Variants in DCTN1 observed in about 807,000 individuals in gnomAD.
The protein encoded by DCTN1 is dynactin subunit 1.
In DCTN1, 61 loss-of-function variants were observed where a neutral mutation model predicts 161.2. The observed-to-expected ratio is 0.38, with a 90% confidence interval of 0.31 to 0.47. The LOEUF (loss-of-function observed/expected upper bound fraction) is 0.47. Among genes scored for constraint, DCTN1 ranks in the 20% least tolerant of loss-of-function variants. DCTN1 has a pLI of 0.99. For synonymous variants in DCTN1, 653 were observed against 632.4 expected (o/e 1.03, Z -0.49); for missense variants, 1,404 against 1,623.7 (o/e 0.86, Z 2.33).
chr2:74,369,072 C>T lies in DCTN1; in HGVS notation c.1701+26G>A. 6.2e-7 allele frequency: 1 copy of T among 1,609,980 alleles called. No individual in the cohort carries two copies. The highest frequency in any genetic ancestry group is 1.7e-5 in the Admixed American group (1 of 60,030). The stretch of plus-strand genomic sequence containing the variant: ...ATACCAGTTCATCCCAGGCAGGGCT[C>T]CCTCAGACCCACACACTTTCCTGAC... On this transcript the variant is annotated intron_variant, in intron 15 of 31. Coordinates refer to ENST00000628224, the MANE Select transcript of DCTN1 (RefSeq NM_004082.5). The surrounding 1 kb of genome is among the most constrained non-coding windows in gnomAD (Gnocchi z 4.9).
At chr2:74,368,201 T>G in intron 16 of DCTN1, 70 bp from the exon 17 acceptor site, 2 of 1,540,538 alleles carry the variant, frequency 1.3e-6, no homozygotes, top group Non-Finnish European at 1.8e-6. Flanking sequence ...AGGAATATAG[T>G]ACTCAGAGCT....
Position 74,369,572 on chromosome 2 carries a change from T to C in DCTN1, c.1393-81A>G. On this transcript the variant is annotated intron_variant, in intron 13 of 31. Transcript: ENST00000628224. This position sits in a 1 kb window ranked among gnomAD's most constrained non-coding sequence, Gnocchi z 4.9. ...TGGTTCACACCTGTAATCCCAGCAC[T>C]TTGGGAGGTCAAAGCAGGCGGATCA... 7.0e-7 allele frequency: 1 copy of C among 1,430,662 alleles called. No individual in the cohort carries two copies. The highest frequency in any genetic ancestry group is 1.1e-5 in the South Asian group (1 of 87,378). The allele number at this position is 1,430,662 out of a possible 1,614,324, so 88.6% of individuals were successfully genotyped here. A position where few individuals can be genotyped will look rare whatever the true frequency, so the allele number is the denominator to read the frequency against.
intron 16 of DCTN1, 132 bp downstream of exon 16, chr2:74,368,596 T>A (rs1274262928): frequency 1.6e-6 from 2 of 1,218,172 alleles, no homozygotes; most frequent in Non-Finnish European, 2.4e-6. Flanking sequence ...ATCGGTGACT[T>A]TGCTGTGTTC....
rs1302479413 is a variant in DCTN1, at chr2:74,361,425, T to A, written c.*74A>T. The A allele has an allele frequency of 1.2e-6, 2 of 1,606,908 alleles. No homozygotes were observed. The highest frequency in any genetic ancestry group is 1.3e-5 in the African/African-American group (1 of 74,762). On this transcript the variant is annotated 3_prime_UTR_variant, in exon 32 of 32. Transcript: ENST00000628224. The stretch of plus-strand genomic sequence containing the variant: ...CCCACGTTTCTACCTGGGGGCTGGC[T>A]GAGGTGGCTGTGCATCGGGCAGAGC...
chr2:74,371,162 T>C lies in DCTN1; in HGVS notation c.660A>G (p.Leu220=). The change falls in exon 9 of 32, where the codon CTA becomes CTG. Residue 220 remains leucine, a synonymous_variant. Coordinates refer to ENST00000628224, the MANE Select transcript of DCTN1 (RefSeq NM_004082.5). ...CCTCCAGGTCCCGCACCTGAGCCCT[T>C]AGTCCCTCCTCCTCCTGCAAAGGAG... is the stretch of plus-strand genomic sequence containing the variant. The part of the protein sequence containing the change: ...LPSPSKEEEG[L]RAQVRDLEEK... The C allele has an allele frequency of 3.7e-6, 6 of 1,613,778 alleles. No homozygotes were observed. The highest frequency in any genetic ancestry group is 2.2e-5 in the East Asian group (1 of 44,884).
Position 74,378,122 on chromosome 2 carries a change from C to A in DCTN1, c.157G>T (p.Ala53Ser). ...ATCACGCCTACCCATTTGCCAGTGG[C>A]AAACAGTGTGGCTCCAACATAGGCC... ...TVAYVGATLF[A>S]TGKWVGVILD... Residue 53 changes from alanine to serine, a missense_variant, in exon 2 of 32, where the codon GCC becomes TCC. By Grantham distance (99) the Ala-to-Ser change is moderately conservative. Coordinates refer to ENST00000628224, the MANE Select transcript of DCTN1 (RefSeq NM_004082.5). 11 of 1,614,288 alleles carry A rather than the reference C, an allele frequency of 6.8e-6. No homozygotes were observed. Among genetic ancestry groups the A allele is most frequent in the Non-Finnish European group, 9.3e-6 (11 of 1,180,058 alleles).
rs758610494 is a variant in DCTN1, at chr2:74,365,613, C to T, written c.2931G>A (p.Glu977=). Residue 977 remains glutamate (E), a synonymous_variant, in exon 25 of 32, where the codon GAG becomes GAA. Coordinates refer to ENST00000628224, the MANE Select transcript of DCTN1 (RefSeq NM_004082.5). The part of the protein sequence containing the change: ...SEANVRLSLL[E]KKLDSAAKDA... Reference sequence around the variant, plus strand: ...CCTTGGCAGCACTGTCCAACTTCTTCTCCAGGAGGCTCAGCCGCACATTGG... The same window carrying T: ...CCTTGGCAGCACTGTCCAACTTCTTTTCCAGGAGGCTCAGCCGCACATTGG... The T allele has an allele frequency of 1.9e-6, 3 of 1,614,198 alleles. No individual in the cohort carries two copies. Among genetic ancestry groups the T allele is most frequent in the Non-Finnish European group, 2.5e-6 (3 of 1,180,034 alleles).
chr2:74,364,103 A>G (rs959264307), intron 26 of DCTN1: 82 of 196,652 alleles, frequency 4.2e-4, no homozygotes, highest in African/African-American at 1.8e-3. Context: ...TTTTGGTGGG[A>G]AGTTTCATAA....
intron 23 of DCTN1, 102 bp downstream of exon 23, chr2:74,366,142 G>A: frequency 6.2e-7 from 1 of 1,610,374 alleles, no homozygotes; most frequent in Non-Finnish European, 8.5e-7. Context: ...GTGCTCTCCA[G>A]ATGCCTTCCT....
chr2:74,370,886 C>A lies in DCTN1; in HGVS notation c.844-61G>T. On this transcript the variant is annotated intron_variant, in intron 9 of 31. Coordinates refer to ENST00000628224, the MANE Select transcript of DCTN1 (RefSeq NM_004082.5). The surrounding 1 kb of genome is among the most constrained non-coding windows in gnomAD (Gnocchi z 4.4). The stretch of plus-strand genomic sequence containing the variant: ...ACAGAGATGCCCCAGGCCTTTCTCA[C>A]AGTATGTTCCAGGCTCCAGCTCCAG... The A allele has an allele frequency of 6.2e-7, 1 of 1,613,470 alleles. No individual in the cohort carries two copies. The highest frequency in any genetic ancestry group is 8.5e-7 in the Non-Finnish European group (1 of 1,179,750).
chr2:74,389,560 ACTT>A (rs1264493095), intron 1 of DCTN1, among the ~76,000 whole-genome samples: 9 of 152,110 alleles, frequency 5.9e-5, no homozygotes, highest in South Asian at 2.1e-4. Context: ...CTCCCTAACA[ACTT>A]CTTCTCCTTT....
Position 74,366,276 on chromosome 2 carries a change from C to G in DCTN1, c.2728G>C (p.Gly910Arg). The G allele has an allele frequency of 6.2e-7, 1 of 1,614,220 alleles. No homozygotes were observed. Among genetic ancestry groups the G allele is most frequent in the Non-Finnish European group, 8.5e-7 (1 of 1,180,034 alleles). ...MNKLATAMQE[G>R]EYDAERPPSK... ...GGGGGCCGCTCTGCATCATACTCCC[C>G]CTCCTGCATGGCTGTGGCCAGCTTG... Residue 910 changes from glycine to arginine, a missense_variant, in exon 23 of 32, where the codon GGG becomes CGG. Transcript: ENST00000628224.
chr2:74,367,291 G>T, intron 19 of DCTN1, 61 bp downstream of exon 19: 2 of 1,598,504 alleles, frequency 1.3e-6, no homozygotes, highest in South Asian at 2.2e-5. Flanking sequence ...CTGATCTCTT[G>T]ACCTGATGCC....
At position 74,363,623 on chromosome 2, in the gene DCTN1, G is replaced by C; in HGVS notation, c.3202C>G (p.Gln1068Glu). The C allele has an allele frequency of 1.2e-6, 2 of 1,613,850 alleles. No homozygotes were observed. Among genetic ancestry groups the C allele is most frequent in the Non-Finnish European group, 1.7e-6 (2 of 1,179,904 alleles). ...TLVSGIAGEE[Q>E]QRGAIPGQAP... ...CAGAGTGGGTCTCTACCTCGCTGCT[G>C]TTCTTCTGTGCTCGGGATAGCCCAT... The change falls in exon 27 of 32, where the codon CAG becomes GAG. Residue 1068 changes from glutamine to glutamate, a missense_variant. Coordinates refer to ENST00000628224, the MANE Select transcript of DCTN1 (RefSeq NM_004082.5).
In DCTN1 at chr2:74,369,281, G is replaced by T. The variant is rs762724147; in HGVS notation, c.1584+19C>A. ...GCCCTGGGGTGATGGTGGGCAGAGA[G>T]CAAACAGTGGGCATGTACCTGTAGA... On this transcript the variant is annotated intron_variant, in intron 14 of 31. Coordinates refer to ENST00000628224, the MANE Select transcript of DCTN1 (RefSeq NM_004082.5). This position sits in a 1 kb window ranked among gnomAD's most constrained non-coding sequence, Gnocchi z 4.9. The T allele has an allele frequency of 3.7e-6, 6 of 1,614,216 alleles. No individual in the cohort carries two copies. The South Asian group carries it at 6.6e-5, about 18-fold the overall frequency.
At position 74,367,700 on chromosome 2, in the gene DCTN1, T is replaced by C. The variant is rs1287560245; in HGVS notation, c.2180A>G (p.Tyr727Cys). The change falls in exon 18 of 32, where the codon TAT becomes TGT. Residue 727 changes from tyrosine (Y) to cysteine (C), a missense_variant. Around this residue, in one of 9 missense-constraint regions of DCTN1, gnomAD observed 475 missense variants for 489.8 expected, o/e 0.97. Coordinates refer to ENST00000628224, the MANE Select transcript of DCTN1 (RefSeq NM_004082.5). ...GCCCAAATTCTTGCCCCACACCTGA[T>C]AGTACTTGATGGCCTTGGTGAGAGG... is the stretch of plus-strand genomic sequence containing the variant. The part of the protein sequence containing the change: ...VEPLTKAIKY[Y>C]QHLYSIHLAE... 2 of 1,614,158 alleles carry C rather than the reference T, an allele frequency of 1.2e-6. No homozygotes were observed. Among genetic ancestry groups the C allele is most frequent in the Non-Finnish European group, 8.5e-7 (1 of 1,180,030 alleles).
chr2:74,371,288 G>A (rs1674824468), intron 8 of DCTN1, 112 bp from the exon 9 acceptor site: 3 of 1,600,484 alleles, frequency 1.9e-6, no homozygotes, highest in Non-Finnish European at 1.7e-6. Context: ...GCCCCAGGGT[G>A]GCCAACAGTC....
intron 16 of DCTN1, 191 bp from the exon 17 acceptor site, chr2:74,368,322 G>T: frequency 1.3e-6 from 1 of 747,186 alleles, no homozygotes; most frequent in Non-Finnish European, 2.2e-6. Context: ...TGGAGGTTGT[G>T]AGGAGTCAGG....
chr2:74,365,971 T>A lies in DCTN1; in HGVS notation c.2808A>T (p.Thr936=), dbSNP rs1392228028. The part of the protein sequence containing the change: ...LRAAALRAEI[T]DAEGLGLKLE... ...GCTTCAAACCCAGGCCTTCAGCATCTGTGATCTCTGCACGAAGGGCAGCAG... is the reference window on the plus strand; with the variant it reads ...GCTTCAAACCCAGGCCTTCAGCATCAGTGATCTCTGCACGAAGGGCAGCAG... The change falls in exon 24 of 32, where the codon ACA becomes ACT. Residue 936 remains threonine (T), a synonymous_variant. Transcript: ENST00000628224. 6.2e-7 allele frequency: 1 copy of A among 1,614,228 alleles called. No homozygotes were observed. The highest frequency in any genetic ancestry group is 1.1e-5 in the South Asian group (1 of 91,084).
Sources: allele counts gnomAD v4.1 joint callset (sites outside exome capture counted in the v4.1 genomes callset), GRCh38; gene constraint gnomAD v4.1.1; regional missense constraint gnomAD v4.1.1; non-coding constraint Gnocchi (gnomAD v3.1); transcripts MANE v1.5; gene names NCBI Gene and HGNC (gene_info 2026-07-23, HGNC 2026-07-21).